ITPR3: variants seen among roughly 807,000 people sequenced by gnomAD.
ITPR3 encodes the protein inositol 1,4,5-trisphosphate receptor type 3.
In ITPR3, 173 loss-of-function variants were observed where a neutral mutation model predicts 293.2. The observed-to-expected ratio is 0.59, with a 90% CI of 0.52 to 0.67. The LOEUF (loss-of-function observed/expected upper bound fraction) is 0.67, where lower values mean the gene tolerates loss of function less well. Among genes scored for constraint, ITPR3 ranks in the 30% least tolerant of loss-of-function variants. ITPR3 has a pLI of 0.00. For missense variants in ITPR3, 2,796 were observed against 3,592.1 expected, an observed-to-expected ratio of 0.78 and a Z score of 5.66; for synonymous variants, 1,295 against 1,444.4, an observed-to-expected ratio of 0.90 and a Z score of 2.35.
chr6:33,689,145 C>T (rs1374627355), intron 49 of ITPR3, 93 bp from the exon 50 acceptor site: 15 of 1,421,922 alleles, frequency 1.1e-5, no homozygotes, highest in African/African-American at 1.4e-5. Context: ...GGGAAGGCGG[C>T]CAGGAGAAGG....
rs917243221 is a variant in ITPR3, at chr6:33,668,414, G to C, written c.1887-101G>C. ...AGCCTTGGGAGGGAGCTAGTTCCAG[G>C]GTGGCGGTGCTGCCAGCTGGGGAAG... On this transcript the variant is annotated intron_variant, in intron 16 of 57. Transcript: ENST00000605930. 2.0e-6 allele frequency: 3 copies of C among 1,485,968 alleles called. No homozygotes were observed. The African/African-American group carries it at 4.1e-5, about 21-fold the overall frequency. 92.0% of individuals were successfully genotyped at this position (1,485,968 alleles called of 1,614,324 possible). A position where few individuals can be genotyped will look rare whatever the true frequency, so the allele number is the denominator to read the frequency against.
At position 33,688,357 on chromosome 6, in the gene ITPR3, G is replaced by A; in HGVS notation, c.6494G>A (p.Gly2165Asp). The A allele has an allele frequency of 6.3e-7, 1 of 1,596,306 alleles. No homozygotes were observed. Among genetic ancestry groups the A allele is most frequent in the Non-Finnish European group, 8.6e-7 (1 of 1,169,072 alleles). ...LFTTTEQDEQ[G>D]SKVSDFFDQS... Reference sequence around the variant, plus strand: ...ACCACTACTGAGCAGGACGAGCAGGGCAGCAAAGTGAGCGACTTCTTCGAC... The same window carrying A: ...ACCACTACTGAGCAGGACGAGCAGGACAGCAAAGTGAGCGACTTCTTCGAC... Residue 2165 changes from glycine to aspartate, a missense_variant, in exon 48 of 58, where the codon GGC becomes GAC. By Grantham distance (94) the Gly-to-Asp change is moderately conservative. Transcript: ENST00000605930.
Position 33,663,620 on chromosome 6 carries a change from C to T in ITPR3, c.1005+70C>T, listed in dbSNP as rs371927461. On this transcript the variant is annotated intron_variant, in intron 10 of 57. Transcript: ENST00000605930. ...GGGGGTAGGCGGGGGCAGGGGAGGC[C>T]GTGAAAACCTGGGAGGTGGGCTGGA... 2.5e-4 allele frequency: 393 copies of T among 1,601,458 alleles called. 3 individuals carry two copies. The East Asian group carries it at 4.1e-3, about 17-fold the overall frequency.
intron 2 of ITPR3, among the ~76,000 whole-genome samples, chr6:33,645,053 C>A (rs1278950844): frequency 1.3e-5 from 2 of 151,670 alleles, no homozygotes; most frequent in Non-Finnish European, 2.9e-5. Context: ...TGGTTCCTGG[C>A]CAGGCATAGT....
At chr6:33,686,955 C>A in intron 43 of ITPR3, 54 bp from the exon 44 acceptor site, 1 of 1,404,226 alleles carries the variant, frequency 7.1e-7, no homozygotes, top group South Asian at 1.2e-5. Context: ...GAGAAGTTGT[C>A]AGGGGCATGG....
At position 33,658,601 on chromosome 6, in the gene ITPR3, C is replaced by G; in HGVS notation, c.370-69C>G. On this transcript the variant is annotated intron_variant, in intron 4 of 57. Transcript: ENST00000605930. This position sits in a 1 kb window ranked among gnomAD's most constrained non-coding sequence, Gnocchi z 6.1. ...GTGACCAAGGGTCTAGGGGATCCCC[C>G]CATATCCCCTCCCTAATGGGCCGAC... The G allele has an allele frequency of 6.5e-7, 1 of 1,545,292 alleles. No individual in the cohort carries two copies. The highest frequency in any genetic ancestry group is 8.9e-7 in the Non-Finnish European group (1 of 1,125,936).
In ITPR3 at chr6:33,652,552, C is replaced by A. The variant is rs1182513752; in HGVS notation, c.161-3214C>A. 2.6e-5 allele frequency among the ~76,000 whole-genome samples: 4 copies of A among 152,148 alleles called. No individual in the cohort carries two copies. In the East Asian group the frequency reaches 7.7e-4, roughly 29 times the overall value. On this transcript the variant is annotated intron_variant, in intron 2 of 57. Transcript: ENST00000605930. ...CTCAGCTCACTGCAGCCTCTGCCCCCGACCCCCGGTTCAAGTGATTCTCCT... is the reference window on the plus strand; with the variant it reads ...CTCAGCTCACTGCAGCCTCTGCCCCAGACCCCCGGTTCAAGTGATTCTCCT...
chr6:33,694,478 C>T (rs755661462), intron 56 of ITPR3: 20 of 225,310 alleles, frequency 8.9e-5, no homozygotes, highest in Non-Finnish European at 1.5e-4. Flanking sequence ...CTCTCCTCAG[C>T]GGAGCCTCCT....
Position 33,690,188 on chromosome 6 carries a change from A to G in ITPR3, c.7022A>G (p.Tyr2341Cys). The change falls in exon 51 of 58, where the codon TAC (tyrosine) becomes TGC (cysteine). Residue 2341 changes from tyrosine (Y) to cysteine (C), a missense_variant. Tyr to Cys is a radical substitution (Grantham distance 194, BLOSUM62 -2). This residue lies in a region of ITPR3 where 568 missense variants were observed against 796.1 expected (regional missense o/e 0.71). Transcript: ENST00000605930. ...GGCCTCTTTGCTCATGAGCTGTTCT[A>G]CAGCATCCTGGTGAGGCCTTCTGGG... is the stretch of plus-strand genomic sequence containing the variant. ...VLGLFAHELF[Y>C]SILLFDLIYR... The G allele has an allele frequency of 6.2e-7, 1 of 1,612,334 alleles. No homozygotes were observed. Among genetic ancestry groups the G allele is most frequent in the Non-Finnish European group, 8.5e-7 (1 of 1,179,210 alleles).
intron 39 of ITPR3, 55 bp from the exon 40 acceptor site, chr6:33,685,304 G>A: frequency 2.6e-6 from 4 of 1,526,584 alleles, no homozygotes; most frequent in Non-Finnish European, 3.6e-6. Context: ...CCCACGCCCT[G>A]AGTAGGAGCA....
At position 33,675,726 on chromosome 6, in the gene ITPR3, G is replaced by A; in HGVS notation, c.3152G>A (p.Gly1051Asp). The A allele has an allele frequency of 6.2e-7, 1 of 1,610,976 alleles. No homozygotes were observed. Among genetic ancestry groups the A allele is most frequent in the Non-Finnish European group, 8.5e-7 (1 of 1,178,698 alleles). ...AGCATGCTGGAGGTGGATGACGAGG[G>A]CGGCCGCATGTTCCTGCGCGTGCTC... Reference protein sequence around the residue: ...TSSMLEVDDEGGRMFLRVLIH... With the variant: ...TSSMLEVDDEDGRMFLRVLIH... The change falls in exon 25 of 58, where the codon GGC becomes GAC. Residue 1051 changes from glycine to aspartate, a missense_variant. Gly to Asp is a moderately conservative substitution (Grantham distance 94, BLOSUM62 -1). Transcript: ENST00000605930. This position sits in a 1 kb window ranked among gnomAD's most constrained non-coding sequence, Gnocchi z 5.0.
intron 1 of ITPR3, among the ~76,000 whole-genome samples, chr6:33,636,122 AC>A (rs1763816864): frequency 1.4e-5 from 1 of 69,444 alleles, no homozygotes; most frequent in African/African-American, 3.8e-5. Context: ...CGCTGTCTCT[AC>A]AAAAAAAAAA....
In ITPR3 at chr6:33,674,311, C is replaced by T. The variant is rs781256939; in HGVS notation, c.3116+46C>T. 4.4e-5 allele frequency: 69 copies of T among 1,581,254 alleles called. 1 individual carries two copies. Among genetic ancestry groups the T allele is most frequent in the Middle Eastern group, 1.7e-4 (1 of 5,906 alleles). ...CAGGGGTGTGTGGGGTTGGGAGGCTCGACACCCCCTCTTGGTCTGGTCTGG... is the reference window on the plus strand; with the variant it reads ...CAGGGGTGTGTGGGGTTGGGAGGCTTGACACCCCCTCTTGGTCTGGTCTGG... On this transcript the variant is annotated intron_variant, in intron 24 of 57. Transcript: ENST00000605930.
At chr6:33,659,883 C>T (rs915017995) in intron 7 of ITPR3, among the ~76,000 whole-genome samples, 3 of 152,176 alleles carry the variant, frequency 2.0e-5, no homozygotes, top group African/African-American at 4.8e-5. Context: ...CCAACTCCTG[C>T]TGCCTGGATC....
chr6:33,652,191 C>T (rs932198513), intron 2 of ITPR3, among the ~76,000 whole-genome samples: 1 of 152,186 alleles, frequency 6.6e-6, no homozygotes, highest in Admixed American at 6.5e-5. Context: ...CATATCCTCT[C>T]CCACCTCCTG....
In ITPR3 at chr6:33,665,208, C is replaced by T. The variant is rs553431286; in HGVS notation, c.1404C>T (p.Asp468=). The T allele has an allele frequency of 3.1e-6, 5 of 1,613,304 alleles. No homozygotes were observed. Among genetic ancestry groups the T allele is most frequent in the South Asian group, 1.1e-5 (1 of 91,050 alleles). ...KLNEGFISQN[D]RRFVIQLLED... The stretch of plus-strand genomic sequence containing the variant: ...ACGAGGGCTTCATCAGCCAGAATGA[C>T]CGCAGGTGGGCTGCAGTGGCACAGG... The change falls in exon 13 of 58, where the codon GAC becomes GAT. Residue 468 remains aspartate (D), a synonymous_variant. Coordinates refer to ENST00000605930, the MANE Select transcript of ITPR3 (RefSeq NM_002224.4).
intron 22 of ITPR3, 60 bp from the exon 23 acceptor site, chr6:33,673,531 C>A (rs1764824156): frequency 1.3e-6 from 2 of 1,593,440 alleles, no homozygotes; most frequent in Non-Finnish European, 1.7e-6. Flanking sequence ...GTAGGAAGGG[C>A]CTTCTGACCT....
In ITPR3 at chr6:33,665,933, G is replaced by T. The variant is rs758032750; in HGVS notation, c.1508G>T (p.Arg503Leu). ...GACATCATGGTCACTAAGCCCAACCGGGAACGGCAGAAGCTGATGAGGGAG... is the reference window on the plus strand; with the variant it reads ...GACATCATGGTCACTAAGCCCAACCTGGAACGGCAGAAGCTGATGAGGGAG... ...VLDIMVTKPNRERQKLMREQN... is the reference protein window; with the variant it reads ...VLDIMVTKPNLERQKLMREQN... The change falls in exon 14 of 58, where the codon CGG becomes CTG. Residue 503 changes from arginine to leucine, a missense_variant. Coordinates refer to ENST00000605930, the MANE Select transcript of ITPR3 (RefSeq NM_002224.4). 1 of 1,613,942 alleles carries T rather than the reference G, an allele frequency of 6.2e-7. No homozygotes were observed. Among genetic ancestry groups the T allele is most frequent in the Non-Finnish European group, 8.5e-7 (1 of 1,179,906 alleles).
At chr6:33,673,514 C>G in intron 22 of ITPR3, 77 bp from the exon 23 acceptor site, 1 of 1,573,664 alleles carries the variant, frequency 6.4e-7, no homozygotes, top group Non-Finnish European at 8.7e-7. Context: ...CCCCTGCCCC[C>G]CATAAAGTAG....
Sources: gnomAD v4.1 joint callset for allele counts (sites outside exome capture counted in the v4.1 genomes callset) on GRCh38, gnomAD v4.1.1 for gene constraint, gnomAD v4.1.1 regional missense constraint, Gnocchi (gnomAD v3.1) non-coding constraint, MANE v1.5 for transcripts, NCBI Gene and HGNC (gene_info 2026-07-23, HGNC 2026-07-21) for gene names.